GHR: variants seen among roughly 807,000 people sequenced by gnomAD.
GHR encodes the protein GH receptor.
In GHR, 35 loss-of-function variants were observed where a neutral mutation model predicts 67.1. The observed-to-expected ratio is 0.52, with a 90% CI of 0.40 to 0.69. The LOEUF (loss-of-function observed/expected upper bound fraction) is 0.69. GHR is among the 30% of genes least tolerant of loss of function. The pLI, the probability that GHR is intolerant of heterozygous loss-of-function variation, is 0.00. For synonymous variants in GHR, 272 were observed against 269.1 expected (o/e 1.01, Z -0.10); for missense variants, 792 against 764.6 (o/e 1.04, Z -0.42).
intron 1 of GHR, among the ~76,000 whole-genome samples, chr5:42,451,132 C>A (rs183597349): frequency 7.2e-5 from 11 of 152,154 alleles, no homozygotes; most frequent in Admixed American, 4.6e-4. Context: ...TCTGTAAGTA[C>A]CTATTAAGTC....
chr5:42,659,738 G>C (rs1426515550), intron 3 of GHR, among the ~76,000 whole-genome samples: 2 of 152,188 alleles, frequency 1.3e-5, no homozygotes, highest in Non-Finnish European at 2.9e-5. Flanking sequence ...TCTCACTAGG[G>C]AGTGCCAGAC....
intron 1 of GHR, among the ~76,000 whole-genome samples, chr5:42,479,918 C>T (rs1051399574): frequency 6.6e-6 from 1 of 151,862 alleles, no homozygotes; most frequent in Non-Finnish European, 1.5e-5. Context: ...TTATTTCTTG[C>T]CTTCTGCTAG....
At chr5:42,578,522 T>C (rs1750893434) in intron 2 of GHR, among the ~76,000 whole-genome samples, 1 of 152,128 alleles carries the variant, frequency 6.6e-6, no homozygotes, top group Non-Finnish European at 1.5e-5. Flanking sequence ...CCTTAATGAA[T>C]GTGTGTGTAA....
chr5:42,455,013 C>G (rs1272603511), intron 1 of GHR, among the ~76,000 whole-genome samples: 1 of 152,138 alleles, frequency 6.6e-6, no homozygotes, highest in African/African-American at 2.4e-5. Flanking sequence ...GAGATATAGT[C>G]AGGCATGGCT....
rs1222335700 is a variant in GHR, at chr5:42,689,028, A to G, written c.266+9A>G. On this transcript the variant is annotated intron_variant, in intron 4 of 9. Coordinates refer to ENST00000230882, the MANE Select transcript of GHR (RefSeq NM_000163.5). ...CTGTTCTATACCAGAAGGTGCCACC[A>G]TCATGCCTTTCTGATTTTCCTCTCC... The G allele has an allele frequency of 3.7e-6, 6 of 1,612,960 alleles. No homozygotes were observed. Among genetic ancestry groups the G allele is most frequent in the Admixed American group, 3.3e-5 (2 of 60,018 alleles).
intron 3 of GHR, among the ~76,000 whole-genome samples, chr5:42,667,153 A>C (rs560154710): frequency 3.5e-4 from 53 of 152,204 alleles, no homozygotes; most frequent in South Asian, 1.0e-3. Context: ...CCTGTAACAC[A>C]GCCGTGAGCA....
rs36059369 is a variant in GHR at position 42,627,548 on chromosome 5, T to G, written c.71-1490T>G. On this transcript the variant is annotated intron_variant, in intron 2 of 9. Coordinates refer to ENST00000230882, the MANE Select transcript of GHR (RefSeq NM_000163.5). ...GAGATTTATTCTGAGCCAATATAAG[T>G]GACTGTGGCCCCATTGAAATGAGCG... Among the ~76,000 whole-genome samples the G allele has an allele frequency of 5.4e-3, 822 of 152,344 alleles. 6 individuals carry two copies. Among genetic ancestry groups the G allele is most frequent in the African/African-American group, 0.018 (745 of 41,580 alleles).
chr5:42,693,590 C>T (rs528713027), intron 4 of GHR, among the ~76,000 whole-genome samples: 16 of 152,248 alleles, frequency 1.1e-4, no homozygotes, highest in Middle Eastern at 6.8e-3. Context: ...TCTCCTAGTG[C>T]CAAGCAGACC....
intron 3 of GHR, chr5:42,647,800 T>C: frequency 2.8e-6 from 1 of 363,624 alleles, no homozygotes; most frequent in Non-Finnish European, 5.3e-6. Flanking sequence ...ATCTTACGTA[T>C]GTATACCAAA....
intron 3 of GHR, among the ~76,000 whole-genome samples, chr5:42,669,499 G>T (rs1340822810): frequency 2.0e-5 from 3 of 152,180 alleles, no homozygotes; most frequent in Non-Finnish European, 2.9e-5. Flanking sequence ...TGTTGGCAAA[G>T]CATTGCTATA....
At chr5:42,636,867 A>G (rs1301723128) in intron 3 of GHR, among the ~76,000 whole-genome samples, 1 of 152,206 alleles carries the variant, frequency 6.6e-6, no homozygotes, top group East Asian at 1.9e-4. Context: ...AATATAAGGT[A>G]ATATATATTT....
At chr5:42,465,008 A>G (rs1227131154) in intron 1 of GHR, among the ~76,000 whole-genome samples, 1 of 152,230 alleles carries the variant, frequency 6.6e-6, no homozygotes, top group Non-Finnish European at 1.5e-5. Flanking sequence ...TTTGTTTCCT[A>G]TTGTCAATTG....
At chr5:42,566,666 G>C (rs892704091) in intron 2 of GHR, among the ~76,000 whole-genome samples, 3 of 133,962 alleles carry the variant, frequency 2.2e-5, no homozygotes, top group African/African-American at 3.3e-5. Flanking sequence ...CTAACGGGTG[G>C]GAGACTTTTT....
At chr5:42,430,027 T>C (rs1170598125) in intron 1 of GHR, among the ~76,000 whole-genome samples, 1 of 152,206 alleles carries the variant, frequency 6.6e-6, no homozygotes, top group African/African-American at 2.4e-5. Context: ...AAGTCAGCCA[T>C]CTACTTTTTC....
chr5:42,561,980 A>AAG (rs1579942327), intron 1 of GHR, among the ~76,000 whole-genome samples: 1 of 152,146 alleles, frequency 6.6e-6, no homozygotes, highest in East Asian at 1.9e-4. Context: ...TACATGTAAT[A>AAG]AGTTTAGGTA....
chr5:42,531,869 G>A (rs1171956733), intron 1 of GHR, among the ~76,000 whole-genome samples: 1 of 152,110 alleles, frequency 6.6e-6, no homozygotes, highest in Non-Finnish European at 1.5e-5. Context: ...GACTTCCAGG[G>A]GAGAGAGATT....
At chr5:42,586,411 A>G (rs1470261877) in intron 2 of GHR, among the ~76,000 whole-genome samples, 1 of 152,210 alleles carries the variant, frequency 6.6e-6, no homozygotes, top group African/African-American at 2.4e-5. Flanking sequence ...TTTTTTCTCA[A>G]TAAATGGGTT....
chr5:42,444,674 A>G lies in GHR; in HGVS notation c.-12+20719A>G, dbSNP rs532292588. On this transcript the variant is annotated intron_variant, in intron 1 of 9. Coordinates refer to ENST00000230882, the MANE Select transcript of GHR (RefSeq NM_000163.5). ...TATTTTCTGTTGAGCTTCAAACTGAACTACCTCTTTGCTCTCAACATATTC... is the reference window on the plus strand; with the variant it reads ...TATTTTCTGTTGAGCTTCAAACTGAGCTACCTCTTTGCTCTCAACATATTC... 4.6e-5 allele frequency among the ~76,000 whole-genome samples: 7 copies of G among 152,204 alleles called. No homozygotes were observed. The South Asian group carries it at 1.0e-3, about 23-fold the overall frequency.
intron 9 of GHR, 110 bp downstream of exon 9, chr5:42,718,231 G>C (rs953522974): frequency 2.7e-6 from 2 of 749,046 alleles, no homozygotes; most frequent in Non-Finnish European, 4.6e-6. Flanking sequence ...CAATTTTCTT[G>C]TGTCTCTTCT....
Sources: allele counts gnomAD v4.1 joint callset (sites outside exome capture counted in the v4.1 genomes callset), GRCh38; gene constraint gnomAD v4.1.1; transcripts MANE v1.5; gene names NCBI Gene and HGNC (gene_info 2026-07-23, HGNC 2026-07-21).